P4HA2: variants seen among roughly 807,000 people sequenced by gnomAD.
The protein encoded by P4HA2 is prolyl 4-hydroxylase subunit alpha 2.
A neutral mutation model predicts 76.9 loss-of-function variants in P4HA2; 46 were observed. The observed-to-expected ratio is 0.60, with a 90% CI of 0.47 to 0.76. P4HA2 has a LOEUF of 0.76. P4HA2 is among the 30% of genes least tolerant of loss of function. The pLI is 0.00. For missense variants in P4HA2, 583 were observed against 669.4 expected (o/e 0.87, Z 1.42); for synonymous variants, 243 against 254.0 (o/e 0.96, Z 0.41).
chr5:132,213,563 C>A (rs1164427903), intron 5 of P4HA2, among the ~76,000 whole-genome samples: 1 of 152,038 alleles, frequency 6.6e-6, no homozygotes, highest in East Asian at 1.9e-4. Flanking sequence ...GATAGTAAGC[C>A]CAGATCAGCC....
chr5:132,198,911 C>T lies in P4HA2; in HGVS notation c.1273G>A (p.Gly425Arg). ...AAGTCGAAGTGCGGTTCATACTGTCCTCCCACTCCATAATTTGCAACCTGT... is the reference window on the plus strand; with the variant it reads ...AAGTCGAAGTGCGGTTCATACTGTCTTCCCACTCCATAATTTGCAACCTGT... ...LLQVANYGVG[G>R]QYEPHFDFSR... Residue 425 changes from glycine to arginine, a missense_variant, in exon 11 of 15, where the codon GGA (glycine) becomes AGA (arginine). Gly to Arg is a moderately radical substitution (Grantham distance 125). Coordinates refer to ENST00000360568, the MANE Select transcript of P4HA2 (RefSeq NM_001017974.2). 6.2e-7 allele frequency: 1 copy of T among 1,612,690 alleles called. No individual in the cohort carries two copies. The highest frequency in any genetic ancestry group is 8.5e-7 in the Non-Finnish European group (1 of 1,178,706).
Position 132,210,496 on chromosome 5 carries a change from A to G in P4HA2, c.497T>C (p.Val166Ala). The part of the protein sequence containing the change: ...PGTKYQAMLS[V>A]DDCFGMGRSA... Reference sequence around the variant, plus strand: ...GCGGCCCATCCCAAAGCAGTCATCCACACTCAGCATTGCCTGGTACTTGGT... The same window carrying G: ...GCGGCCCATCCCAAAGCAGTCATCCGCACTCAGCATTGCCTGGTACTTGGT... Residue 166 changes from valine to alanine, a missense_variant, in exon 6 of 15, where the codon GTG becomes GCG. Physicochemically the swap from Val to Ala is moderately conservative, Grantham distance 64. Transcript: ENST00000360568. The G allele has an allele frequency of 1.2e-6, 2 of 1,614,108 alleles. No individual in the cohort carries two copies. Among genetic ancestry groups the G allele is most frequent in the South Asian group, 2.2e-5 (2 of 91,080 alleles).
rs1315438833 is a variant in P4HA2 at position 132,191,241 on chromosome 5, G to A, written c.*1769C>T. ...AGATTTCAACATATGGGCCGGGCGC[G>A]GTGGCTCACGCCTGTAATCCCAGCA... On this transcript the variant is annotated 3_prime_UTR_variant, in exon 15 of 15. Transcript: ENST00000360568. Among the ~76,000 whole-genome samples the A allele has an allele frequency of 6.6e-6, 1 of 152,142 alleles. No homozygotes were observed. Among genetic ancestry groups the A allele is most frequent in the African/African-American group, 2.4e-5 (1 of 41,426 alleles).
intron 10 of P4HA2, 63 bp downstream of exon 10, chr5:132,203,685 G>T: frequency 1.9e-6 from 2 of 1,044,336 alleles, no homozygotes; most frequent in Non-Finnish European, 3.0e-6. Context: ...TGGACACCCT[G>T]TGAGACCATC....
In P4HA2 at chr5:132,218,579, C is replaced by T; in HGVS notation, c.48G>A (p.Leu16=). Residue 16 remains leucine (L), a synonymous_variant, in exon 2 of 15, where the codon CTG becomes CTA. Coordinates refer to ENST00000360568, the MANE Select transcript of P4HA2 (RefSeq NM_001017974.2). Reference sequence around the variant, plus strand: ...TGAAGAATTCGGCCTGCACACAGCTCAGGACACCAAACCAGGCCATCAGCA... The same window carrying T: ...TGAAGAATTCGGCCTGCACACAGCTTAGGACACCAAACCAGGCCATCAGCA... ...SALLMAWFGV[L]SCVQAEFFTS... 1 of 1,613,978 alleles carries T rather than the reference C, an allele frequency of 6.2e-7. No individual in the cohort carries two copies. The highest frequency in any genetic ancestry group is 1.3e-5 in the African/African-American group (1 of 75,020).
In P4HA2 at chr5:132,198,036, A is replaced by G. The variant is rs573964369; in HGVS notation, c.1365+285T>C. The stretch of plus-strand genomic sequence containing the variant: ...CTGCTGGTGGCAGTGGGGAAAATGA[A>G]TAGAAACAGAGGCCAACTCTCCCTA... On this transcript the variant is annotated intron_variant, in intron 12 of 14. Transcript: ENST00000360568. The G allele has an allele frequency of 1.1e-4, 108 of 985,418 alleles. No individual in the cohort carries two copies. The African/African-American group carries it at 1.8e-3, about 17-fold the overall frequency. The allele number at this position is 985,418 out of a possible 1,614,324, so 61.0% of individuals were successfully genotyped here.
chr5:132,215,886 G>C (rs1482870560), intron 4 of P4HA2, among the ~76,000 whole-genome samples: 1 of 145,466 alleles, frequency 6.9e-6, no homozygotes, highest in Non-Finnish European at 1.5e-5. Context: ...AAGGCAGCGG[G>C]CATGGTGGCT....
At chr5:132,197,608 C>CAAAAAAAAAA (rs555319735) in intron 12 of P4HA2, among the ~76,000 whole-genome samples, 8 of 55,166 alleles carry the variant, frequency 1.5e-4, no homozygotes, top group African/African-American at 2.7e-4. Flanking sequence ...ACTCCATCTC[C>CAAAAAAAAAA]AAAAAAAAAA....
At chr5:132,193,294 G>A (rs1561459510) in intron 14 of P4HA2, 1 of 498,726 alleles carries the variant, frequency 2.0e-6, no homozygotes, top group South Asian at 3.1e-5. Context: ...CAAGATACAT[G>A]TGTGCAGGTT....
At chr5:132,201,018 C>T (rs1751409243) in intron 10 of P4HA2, 1 of 152,240 alleles carries the variant, frequency 6.6e-6, no homozygotes, top group Admixed American at 6.5e-5. Flanking sequence ...CTCAAGTCCC[C>T]AGGCTCACGC....
intron 14 of P4HA2, among the ~76,000 whole-genome samples, chr5:132,194,491 G>A (rs1319711721): frequency 6.6e-6 from 1 of 152,046 alleles, no homozygotes; most frequent in African/African-American, 2.4e-5. Flanking sequence ...TGGCCCCTGT[G>A]CCACAGGCCT....
chr5:132,210,179 G>T lies in P4HA2; in HGVS notation c.709+105C>A, dbSNP rs146783114. ...GCATTAGTCACTGGCCAAGTGACAG[G>T]GTAAACTGACTCAGTCCCAGGAGAG... On this transcript the variant is annotated intron_variant, in intron 6 of 14. Coordinates refer to ENST00000360568, the MANE Select transcript of P4HA2 (RefSeq NM_001017974.2). The T allele has an allele frequency of 5.7e-5, 75 of 1,322,044 alleles. No homozygotes were observed. In the East Asian group the frequency reaches 1.7e-3, roughly 30 times the overall value. 81.9% of individuals were successfully genotyped at this position (1,322,044 alleles called of 1,614,324 possible). A position where few individuals can be genotyped will look rare whatever the true frequency, so the allele number is the denominator to read the frequency against.
In P4HA2 at chr5:132,198,307, G is replaced by C. The variant is rs1378936447; in HGVS notation, c.1365+14C>G. The C allele has an allele frequency of 6.2e-7, 1 of 1,614,154 alleles. No individual in the cohort carries two copies. Among genetic ancestry groups the C allele is most frequent in the Admixed American group, 1.7e-5 (1 of 60,020 alleles). The stretch of plus-strand genomic sequence containing the variant: ...AAGTGAGAATGAACAGGTGGGCCTG[G>C]ACCCAGTACTTACGTAGTTAAGAAA... On this transcript the variant is annotated intron_variant, in intron 12 of 14. Coordinates refer to ENST00000360568, the MANE Select transcript of P4HA2 (RefSeq NM_001017974.2).
At chr5:132,196,860 CAAAAAAAAAA>C (rs34410092) in intron 12 of P4HA2, among the ~76,000 whole-genome samples, 1 of 100,036 alleles carries the variant, frequency 1.0e-5, no homozygotes, top group African/African-American at 4.0e-5. Context: ...GAGTCTGTCT[CAAAAAAAAAA>C]AAAAAAAAAG....
At chr5:132,209,669 G>C (rs1053088775) in intron 6 of P4HA2, among the ~76,000 whole-genome samples, 1 of 151,304 alleles carries the variant, frequency 6.6e-6, no homozygotes, top group African/African-American at 2.4e-5. Flanking sequence ...CAGCCACCTG[G>C]GAGGCTGAGG....
At chr5:132,207,582 G>A (rs113117753) in intron 8 of P4HA2, 126 bp downstream of exon 8, 29 of 718,678 alleles carry the variant, frequency 4.0e-5, no homozygotes, top group African/African-American at 3.9e-4. Flanking sequence ...GTATCCCCAC[G>A]GTAGGCCCAT....
At chr5:132,226,958 C>CCTTTTGCCAG (rs2126648192) in intron 1 of P4HA2, 1 of 152,858 alleles carries the variant, frequency 6.5e-6, no homozygotes, top group African/African-American at 2.4e-5. Flanking sequence ...TCCACGATGC[C>CCTTTTGCCAG]CTTTTGCCAG....
rs557189383 is a variant in P4HA2 at position 132,192,119 on chromosome 5, T to C, written c.*891A>G. The C allele has an allele frequency of 1.3e-5, 2 of 152,310 alleles. No homozygotes were observed. Among genetic ancestry groups the C allele is most frequent in the South Asian group, 4.1e-4 (2 of 4,826 alleles). 9.4% of individuals were successfully genotyped at this position (152,310 alleles called of 1,614,324 possible). A position where few individuals can be genotyped will look rare whatever the true frequency, so the allele number is the denominator to read the frequency against. ...AAAACTATAAAGACAAGCAAAGGAA[T>C]GAGTACCACACATCATGAGACAATG... On this transcript the variant is annotated 3_prime_UTR_variant, in exon 15 of 15. Transcript: ENST00000360568.
intron 9 of P4HA2, 85 bp downstream of exon 9, chr5:132,203,997 A>T: frequency 7.9e-7 from 1 of 1,264,780 alleles, no homozygotes. Context: ...AGGCAGGAAA[A>T]GGCAAGCCAC....
Sources: allele counts gnomAD v4.1 joint callset (sites outside exome capture counted in the v4.1 genomes callset), GRCh38; gene constraint gnomAD v4.1.1; transcripts MANE v1.5; gene names NCBI Gene and HGNC (gene_info 2026-07-23, HGNC 2026-07-21).